ZNF679: variants seen among roughly 807,000 people sequenced by gnomAD.
ZNF679 encodes hypothetical protein MGC42415.
ZNF679 carries 10 observed loss-of-function variants against 13.4 expected under a neutral mutation model. That is an observed-to-expected ratio of 0.75 (90% confidence interval 0.46 to 1.27). ZNF679 has a LOEUF of 1.27. Ranked by LOEUF, ZNF679 falls within the 50% of genes most tolerant of loss-of-function variation. ZNF679 has a pLI of 0.00. For synonymous variants in ZNF679, 179 were observed against 162.5 expected (o/e 1.10, Z -0.77); for missense variants, 525 against 477.8 (o/e 1.10, Z -0.92).
intron 2 of ZNF679, 65 bp from the exon 3 acceptor site, chr7:64,260,156 T>C: frequency 6.9e-7 from 1 of 1,445,054 alleles, no homozygotes; most frequent in Non-Finnish European, 9.4e-7. Flanking sequence ...AATCTCTGCC[T>C]ACGGCCACAT....
intron 1 of ZNF679, among the ~76,000 whole-genome samples, chr7:64,230,639 CA>C (rs749818062): frequency 3.3e-5 from 5 of 152,088 alleles, no homozygotes; most frequent in Non-Finnish European, 7.4e-5. Flanking sequence ...GTGTTTTATC[CA>C]GGCAAAATAA....
chr7:64,235,937 T>C (rs1314031313), intron 1 of ZNF679, among the ~76,000 whole-genome samples: 1 of 152,012 alleles, frequency 6.6e-6, no homozygotes, highest in Non-Finnish European at 1.5e-5. Context: ...AGAATTTACA[T>C]ATAAAATGTA....
At chr7:64,244,635 TG>T (rs1288572117) in intron 1 of ZNF679, among the ~76,000 whole-genome samples, 21 of 152,320 alleles carry the variant, frequency 1.4e-4, no homozygotes, top group Non-Finnish European at 2.5e-4. Flanking sequence ...CAATTCAGGA[TG>T]GTTCATGGAG....
At chr7:64,263,589 T>A (rs1788105873) in intron 4 of ZNF679, among the ~76,000 whole-genome samples, 1 of 152,142 alleles carries the variant, frequency 6.6e-6, no homozygotes, top group African/African-American at 2.4e-5. Flanking sequence ...ATGAATGACT[T>A]GGTACAATCC....
At chr7:64,234,157 A>C (rs1787677785) in intron 1 of ZNF679, among the ~76,000 whole-genome samples, 1 of 152,220 alleles carries the variant, frequency 6.6e-6, no homozygotes, top group Non-Finnish European at 1.5e-5. Context: ...GGACAGCAAG[A>C]AGGTTCACTG....
At chr7:64,235,963 T>A (rs112975725) in intron 1 of ZNF679, among the ~76,000 whole-genome samples, 29 of 152,096 alleles carry the variant, frequency 1.9e-4, no homozygotes, top group Admixed American at 8.5e-4. Context: ...ATAAAAAAAA[T>A]TTCTTTTTTT....
At chr7:64,263,958 TGA>T (rs1412425359) in intron 4 of ZNF679, among the ~76,000 whole-genome samples, 3 of 152,128 alleles carry the variant, frequency 2.0e-5, no homozygotes, top group Admixed American at 6.5e-5. Flanking sequence ...TTATTGAAAG[TGA>T]GGTCTTAATG....
At chr7:64,259,201 C>G (rs1246565573) in intron 2 of ZNF679, among the ~76,000 whole-genome samples, 2 of 152,096 alleles carry the variant, frequency 1.3e-5, no homozygotes, top group Non-Finnish European at 2.9e-5. Context: ...CGTGAGCTAC[C>G]GTGCCTGGCC....
At chr7:64,237,276 TTTC>T (rs1787739801) in intron 1 of ZNF679, among the ~76,000 whole-genome samples, 1 of 152,140 alleles carries the variant, frequency 6.6e-6, no homozygotes, top group African/African-American at 2.4e-5. Flanking sequence ...ACAGAAGTAA[TTTC>T]AGCACAATTT....
At chr7:64,265,103 A>AT (rs892092786) in intron 4 of ZNF679, among the ~76,000 whole-genome samples, 19 of 151,764 alleles carry the variant, frequency 1.3e-4, no homozygotes, top group African/African-American at 4.4e-4. Context: ...AAAATTTTTG[A>AT]TTTTTTTGAT....
chr7:64,239,435 C>T (rs1787765702), intron 1 of ZNF679, among the ~76,000 whole-genome samples: 1 of 152,120 alleles, frequency 6.6e-6, no homozygotes, highest in Non-Finnish European at 1.5e-5. Flanking sequence ...CATTCCTGGG[C>T]CTTCCTGCAG....
intron 4 of ZNF679, among the ~76,000 whole-genome samples, chr7:64,264,318 T>C (rs1205367169): frequency 5.9e-5 from 9 of 152,096 alleles, no homozygotes; most frequent in Admixed American, 1.3e-4. Context: ...ATACATCTTA[T>C]TGATGTTGAT....
intron 1 of ZNF679, among the ~76,000 whole-genome samples, chr7:64,239,179 A>C (rs1289819929): frequency 6.6e-6 from 1 of 152,192 alleles, no homozygotes; most frequent in East Asian, 1.9e-4. Flanking sequence ...GGGGCAGTTA[A>C]GAGTTGTAAT....
At position 64,260,859 on chromosome 7, in the gene ZNF679, G is replaced by C; in HGVS notation, c.192G>C (p.Leu64Phe). Residue 64 changes from leucine (L) to phenylalanine (F), a missense_variant, in exon 4 of 5, where the codon TTG becomes TTC. Physicochemically the swap from Leu to Phe is conservative, Grantham distance 22. Transcript: ENST00000421025. ...GTATTGCTGTCTCTAAGCCAGACTT[G>C]ATCACCTGTCTGGAGCAAAATAAAG... Reference protein sequence around the residue: ...SLGIAVSKPDLITCLEQNKEP... With the variant: ...SLGIAVSKPDFITCLEQNKEP... The C allele has an allele frequency of 6.2e-7, 1 of 1,610,246 alleles. No homozygotes were observed. Among genetic ancestry groups the C allele is most frequent in the South Asian group, 1.1e-5 (1 of 90,328 alleles).
Position 64,265,990 on chromosome 7 carries a change from A to G in ZNF679, c.357A>G (p.Gly119=). 2 of 1,613,788 alleles carry G rather than the reference A, an allele frequency of 1.2e-6. No homozygotes were observed. Among genetic ancestry groups the G allele is most frequent in the South Asian group, 2.2e-5 (2 of 91,080 alleles). The change falls in exon 5 of 5, where the codon GGA becomes GGG. Residue 119 remains glycine (G), a synonymous_variant. Coordinates refer to ENST00000421025, the MANE Select transcript of ZNF679 (RefSeq NM_153363.3). ...KVIPRRYGKS[G]HDNLQVKTCK... is the part of the protein sequence containing the mutation. ...TACCAAGAAGATATGGAAAAAGTGG[A>G]CATGACAATTTACAAGTAAAAACAT...
chr7:64,240,582 G>T (rs757310846), intron 1 of ZNF679, among the ~76,000 whole-genome samples: 2 of 151,868 alleles, frequency 1.3e-5, no homozygotes, highest in Non-Finnish European at 2.9e-5. Context: ...TGATAGAATT[G>T]TCACCCTCAC....
At chr7:64,234,427 G>A (rs766657430) in intron 1 of ZNF679, among the ~76,000 whole-genome samples, 15 of 152,192 alleles carry the variant, frequency 9.9e-5, no homozygotes, top group Admixed American at 6.5e-5. Context: ...TGCTGACTTT[G>A]AAGATGGAGG....
At chr7:64,249,898 A>G (rs1787922140) in intron 2 of ZNF679, among the ~76,000 whole-genome samples, 1 of 152,006 alleles carries the variant, frequency 6.6e-6, no homozygotes. Flanking sequence ...CTGGAGTGCA[A>G]TGGCACTATC....
intron 1 of ZNF679, among the ~76,000 whole-genome samples, chr7:64,229,762 T>A (rs1023010717): frequency 6.6e-6 from 1 of 152,212 alleles, no homozygotes. Flanking sequence ...ATGAGAGTCA[T>A]CATCATGTCT....
Sources: allele counts gnomAD v4.1 joint callset (sites outside exome capture counted in the v4.1 genomes callset), GRCh38; gene constraint gnomAD v4.1.1; transcripts MANE v1.5; gene names NCBI Gene and HGNC (gene_info 2026-07-23, HGNC 2026-07-21).